The following ZBTB34 variants were observed in gnomAD, a reference collection of about 807,000 sequenced individuals.
The protein encoded by ZBTB34 is zinc finger and BTB domain containing 34.
In ZBTB34, 1 loss-of-function variant was observed where a neutral mutation model predicts 33.4. The observed-to-expected ratio is 0.03, with a 90% CI of 0.01 to 0.14. The LOEUF (loss-of-function observed/expected upper bound fraction) is 0.14. Ranked by LOEUF, ZBTB34 falls within the 10% of genes least tolerant of loss-of-function variation. ZBTB34 has a pLI of 1.00. For synonymous variants in ZBTB34, 283 were observed against 253.5 expected (o/e 1.12, Z -1.11); for missense variants, 406 against 657.2 (o/e 0.62, Z 4.18).
rs1234252992 is a variant in ZBTB34, at chr9:126,864,392, A to C, written c.-11+3653A>C. ...CATTGCTAGTAAAATTAAAGAGGCC[A>C]TTCCTCTCCTGCTTGGAAAGCTCAG... On this transcript the variant is annotated intron_variant, in intron 1 of 1. Coordinates refer to ENST00000319119, the Ensembl canonical transcript of ZBTB34. Among the ~76,000 whole-genome samples, 7 of 152,082 alleles carry C rather than the reference A, an allele frequency of 4.6e-5. No homozygotes were observed. The East Asian group carries it at 9.6e-4, about 21-fold the overall frequency.
intron 1 of ZBTB34, among the ~76,000 whole-genome samples, chr9:126,867,784 T>C (rs1310981006): frequency 6.6e-6 from 1 of 151,116 alleles, no homozygotes; most frequent in African/African-American, 2.4e-5. Flanking sequence ...TTTTTGGTGA[T>C]AAGTCTTTTT....
Position 126,879,622 on chromosome 9 carries a change from A to G in ZBTB34, c.223A>G (p.Ile75Val), listed in dbSNP as rs1331482585. ...GTTAAGTACCATGAGTGGCTTGTCA[A>G]TATCAGTGATTAAAAATCCCAATGT... Residue 75 changes from isoleucine (I) to valine (V), a missense_variant, in exon 2 of 2, where the codon ATA becomes GTA. Ile to Val is a conservative substitution (Grantham distance 29, BLOSUM62 3). This residue lies in a region of ZBTB34 where 50 missense variants were observed against 157.9 expected (regional missense o/e 0.32). Transcript: ENST00000319119. This position sits in a 1 kb window ranked among gnomAD's most constrained non-coding sequence, Gnocchi z 6.4. The G allele has an allele frequency of 1.2e-6, 2 of 1,613,822 alleles. No individual in the cohort carries two copies. The highest frequency in any genetic ancestry group is 8.5e-7 in the Non-Finnish European group (1 of 1,179,888).
chr9:126,863,038 A>G (rs2033161550), intron 1 of ZBTB34, among the ~76,000 whole-genome samples: 1 of 152,216 alleles, frequency 6.6e-6, no homozygotes, highest in Admixed American at 6.5e-5. Flanking sequence ...GAAAGCACAA[A>G]ACGAATCTTT....
rs150644621 is a variant in ZBTB34, at chr9:126,880,803, C to G, written c.1404C>G (p.Pro468=). 392 of 1,613,702 alleles carry G rather than the reference C, an allele frequency of 2.4e-4. No homozygotes were observed. In the African/African-American group the frequency reaches 2.6e-3, roughly 11 times the overall value. ...AAGTCAGGAGTCGCATTGAGTCCCC[C>G]GAGAGAACAGATGTGTACGTGGAAC... The change falls in exon 2 of 2, where the codon CCC becomes CCG. Residue 468 remains proline, a synonymous_variant. Transcript: ENST00000319119. The surrounding 1 kb of genome is among the most constrained non-coding windows in gnomAD (Gnocchi z 6.7).
intron 1 of ZBTB34, among the ~76,000 whole-genome samples, chr9:126,867,934 C>T (rs1339871671): frequency 6.6e-6 from 1 of 151,990 alleles, no homozygotes; most frequent in East Asian, 1.9e-4. Context: ...ATTGGTGGGC[C>T]ACGGTATTTT....
chr9:126,866,254 C>T (rs1458822424), intron 1 of ZBTB34, among the ~76,000 whole-genome samples: 4 of 152,140 alleles, frequency 2.6e-5, no homozygotes, highest in African/African-American at 7.2e-5. Context: ...CCCACGACCC[C>T]GTGAAAAACC....
At chr9:126,884,028 T>C (rs1257573910) in exon 2 of ZBTB34, 4 of 167,104 alleles carry the variant, frequency 2.4e-5, no homozygotes, top group Non-Finnish European at 5.9e-5. Context: ...TCCCTATTTC[T>C]GTACAGTTTT....
intron 1 of ZBTB34, among the ~76,000 whole-genome samples, chr9:126,875,788 T>A (rs781774034): frequency 2.7e-4 from 41 of 152,286 alleles, no homozygotes; most frequent in Middle Eastern, 3.4e-3. Context: ...CTTGCCTTAA[T>A]GTTACTTTGG....
chr9:126,861,430 C>A (rs986722261), intron 1 of ZBTB34, among the ~76,000 whole-genome samples: 1 of 152,184 alleles, frequency 6.6e-6, no homozygotes, highest in Non-Finnish European at 1.5e-5. Flanking sequence ...CTTCCGCAAG[C>A]CCCTTCCATG....
chr9:126,878,519 GGTAA>G (rs1262187024), intron 1 of ZBTB34, among the ~76,000 whole-genome samples: 1 of 151,570 alleles, frequency 6.6e-6, no homozygotes, highest in Non-Finnish European at 1.5e-5. Context: ...GACTGAGCAT[GGTAA>G]GTCTCAGCCA....
chr9:126,872,805 G>A (rs2033298047), intron 1 of ZBTB34, among the ~76,000 whole-genome samples: 2 of 152,176 alleles, frequency 1.3e-5, no homozygotes, highest in African/African-American at 4.8e-5. Flanking sequence ...CATTGTCACT[G>A]TGGAAAGGAA....
chr9:126,863,432 G>C (rs1588383012), intron 1 of ZBTB34, among the ~76,000 whole-genome samples: 1 of 152,184 alleles, frequency 6.6e-6, no homozygotes, highest in Admixed American at 6.5e-5. Flanking sequence ...CTGCACCGCT[G>C]TGTCCCCCCA....
chr9:126,873,898 G>T (rs1301070305), intron 1 of ZBTB34, among the ~76,000 whole-genome samples: 3 of 152,086 alleles, frequency 2.0e-5, no homozygotes, highest in African/African-American at 7.2e-5. Flanking sequence ...GAGCCACTGT[G>T]CCTGGCCTAA....
At chr9:126,871,286 G>A (rs1268347673) in intron 1 of ZBTB34, among the ~76,000 whole-genome samples, 1 of 151,512 alleles carries the variant, frequency 6.6e-6, no homozygotes, top group Non-Finnish European at 1.5e-5. Context: ...AGTACGTTGT[G>A]ATATAGCCAT....
intron 1 of ZBTB34, among the ~76,000 whole-genome samples, chr9:126,867,447 C>CTTTTTTTTTTTTTTTTTTTTT (rs201325256): frequency 7.5e-5 from 9 of 119,496 alleles, no homozygotes; most frequent in East Asian, 5.0e-4. Flanking sequence ...TGTCATTTTT[C>CTTTTTTTTTTTTTTTTTTTTT]TTTTTTTTTT....
chr9:126,878,081 A>C (rs925503624), intron 1 of ZBTB34, among the ~76,000 whole-genome samples: 1 of 151,928 alleles, frequency 6.6e-6, no homozygotes, highest in South Asian at 2.1e-4. Flanking sequence ...CACACTTGCA[A>C]TCCTAGCACT....
At chr9:126,866,420 C>T (rs749134742) in intron 1 of ZBTB34, among the ~76,000 whole-genome samples, 1 of 152,162 alleles carries the variant, frequency 6.6e-6, no homozygotes, top group Non-Finnish European at 1.5e-5. Context: ...CCTTCCTTGT[C>T]CCTGAGCTGG....
chr9:126,879,468 G>A lies in ZBTB34; in HGVS notation c.69G>A (p.Leu23=). The change falls in exon 2 of 2, where the codon CTG becomes CTA. Residue 23 remains leucine (L), a synonymous_variant. Coordinates refer to ENST00000319119, the Ensembl canonical transcript of ZBTB34. The surrounding 1 kb of genome is among the most constrained non-coding windows in gnomAD (Gnocchi z 6.4). ...TGCCCGAGTACAGCAGCACCGTTCT[G>A]AGCCAGCTAAACGAACTCCGCCTGC... 1.2e-6 allele frequency: 2 copies of A among 1,613,932 alleles called. No homozygotes were observed. Among genetic ancestry groups the A allele is most frequent in the South Asian group, 1.1e-5 (1 of 91,088 alleles).
At chr9:126,869,592 C>A (rs923316085) in intron 1 of ZBTB34, among the ~76,000 whole-genome samples, 1 of 152,004 alleles carries the variant, frequency 6.6e-6, no homozygotes, top group African/African-American at 2.4e-5. Context: ...GGTGTGGGGG[C>A]GGCTGGGTGC....
Sources: allele counts gnomAD v4.1 joint callset (sites outside exome capture counted in the v4.1 genomes callset), GRCh38; gene constraint gnomAD v4.1.1; regional missense constraint gnomAD v4.1.1; non-coding constraint Gnocchi (gnomAD v3.1); transcripts MANE v1.5; gene names NCBI Gene and HGNC (gene_info 2026-07-23, HGNC 2026-07-21).